The following CNTNAP2 variants were observed in gnomAD, a reference collection of about 807,000 sequenced individuals.
CNTNAP2 encodes contactin associated protein 2, also known as contactin-associated protein-like 2.
In CNTNAP2, 98 loss-of-function variants were observed where a neutral mutation model predicts 155.2. The observed-to-expected ratio is 0.63, with a 90% CI of 0.54 to 0.75. The LOEUF (loss-of-function observed/expected upper bound fraction) is 0.75, where lower values mean the gene tolerates loss of function less well. Ranked by LOEUF, CNTNAP2 falls within the 30% of genes least tolerant of loss-of-function variation. The probability of loss-of-function intolerance (pLI) is 0.00; values close to 1 mark genes in which losing one functional copy is unlikely to be tolerated. For synonymous variants in CNTNAP2, 651 were observed against 631.2 expected (o/e 1.03, Z -0.47); for missense variants, 1,727 against 1,688.1 (o/e 1.02, Z -0.40).
At chr7:147,048,231 T>A (rs547843891) in intron 4 of CNTNAP2, among the ~76,000 whole-genome samples, 1 of 152,026 alleles carries the variant, frequency 6.6e-6, no homozygotes, top group Admixed American at 6.6e-5. Context: ...CTAAGTGCAA[T>A]CACATGTGTC....
At chr7:148,101,877 A>G (rs1167059307) in intron 15 of CNTNAP2, among the ~76,000 whole-genome samples, 3 of 152,178 alleles carry the variant, frequency 2.0e-5, no homozygotes. Context: ...TTCACTTTTA[A>G]AAATATTAAG....
At chr7:146,320,071 T>C (rs1048877524) in intron 1 of CNTNAP2, among the ~76,000 whole-genome samples, 1 of 151,450 alleles carries the variant, frequency 6.6e-6, no homozygotes, top group African/African-American at 2.4e-5. Flanking sequence ...GACATCTGAA[T>C]TAATATTTTT....
intron 11 of CNTNAP2, among the ~76,000 whole-genome samples, chr7:147,538,778 GT>G (rs199893286): frequency 2.6e-5 from 4 of 151,920 alleles, no homozygotes; most frequent in African/African-American, 9.7e-5. Flanking sequence ...GTTTATGCCA[GT>G]TTTTTTTCCT....
At chr7:147,739,229 G>T (rs1224695151) in intron 13 of CNTNAP2, among the ~76,000 whole-genome samples, 2 of 150,518 alleles carry the variant, frequency 1.3e-5, no homozygotes, top group Non-Finnish European at 2.9e-5. Context: ...GAAACTGTAA[G>T]AGAAAACCTT....
intron 1 of CNTNAP2, among the ~76,000 whole-genome samples, chr7:146,627,679 T>G (rs1490883098): frequency 6.6e-6 from 1 of 152,130 alleles, no homozygotes; most frequent in Admixed American, 6.6e-5. Context: ...CAACCTGTTA[T>G]TTTAGGGCAT....
chr7:146,286,632 A>C (rs1214201579), intron 1 of CNTNAP2, among the ~76,000 whole-genome samples: 2 of 152,104 alleles, frequency 1.3e-5, no homozygotes, highest in Non-Finnish European at 2.9e-5. Flanking sequence ...CATTCCTGAG[A>C]CAACAGCCCA....
intron 1 of CNTNAP2, among the ~76,000 whole-genome samples, chr7:146,638,962 C>T (rs1308159890): frequency 6.6e-6 from 1 of 152,124 alleles, no homozygotes; most frequent in Non-Finnish European, 1.5e-5. Context: ...TACAGCTGTA[C>T]TAATGCTGTA....
chr7:146,640,949 A>G (rs1799694514), intron 1 of CNTNAP2, among the ~76,000 whole-genome samples: 1 of 152,192 alleles, frequency 6.6e-6, no homozygotes, highest in African/African-American at 2.4e-5. Context: ...AATGCTTGTT[A>G]GGGAGAAAAT....
intron 15 of CNTNAP2, among the ~76,000 whole-genome samples, chr7:148,048,709 A>G (rs1043104567): frequency 6.6e-6 from 1 of 152,184 alleles, no homozygotes; most frequent in African/African-American, 2.4e-5. Flanking sequence ...GGAGTCAAGA[A>G]CAGTGAGCCC....
chr7:147,179,281 G>A (rs1802409379), intron 8 of CNTNAP2, among the ~76,000 whole-genome samples: 1 of 152,134 alleles, frequency 6.6e-6, no homozygotes, highest in Non-Finnish European at 1.5e-5. Flanking sequence ...TGGATATTGT[G>A]GTATATGCGA....
chr7:148,213,520 A>T (rs1795583825), intron 18 of CNTNAP2, among the ~76,000 whole-genome samples: 1 of 151,988 alleles, frequency 6.6e-6, no homozygotes, highest in Admixed American at 6.6e-5. Context: ...TCTCTTGCAC[A>T]TCATCCTGCC....
intron 1 of CNTNAP2, among the ~76,000 whole-genome samples, chr7:146,308,839 A>AG (rs1563031793): frequency 6.6e-6 from 1 of 151,648 alleles, no homozygotes; most frequent in African/African-American, 2.4e-5. Flanking sequence ...GGGTGGGGAG[A>AG]CGGGGGAGGG....
intron 8 of CNTNAP2, among the ~76,000 whole-genome samples, chr7:147,191,961 G>A (rs1802688635): frequency 6.6e-6 from 1 of 152,198 alleles, no homozygotes; most frequent in African/African-American, 2.4e-5. Flanking sequence ...AAAAATGAGT[G>A]CCAACACTTT....
At chr7:147,785,819 C>T (rs1260965484) in intron 13 of CNTNAP2, among the ~76,000 whole-genome samples, 1 of 152,086 alleles carries the variant, frequency 6.6e-6, no homozygotes, top group African/African-American at 2.4e-5. Context: ...TGGTGAAACC[C>T]CATCTCTACT....
chr7:147,150,587 G>A (rs192497254), intron 8 of CNTNAP2, among the ~76,000 whole-genome samples: 269 of 152,248 alleles, frequency 1.8e-3, no homozygotes, highest in African/African-American at 6.2e-3. Flanking sequence ...TAATTTTATG[G>A]AAGGCTTAGA....
At chr7:146,200,780 T>C (rs1798848916) in intron 1 of CNTNAP2, among the ~76,000 whole-genome samples, 4 of 152,306 alleles carry the variant, frequency 2.6e-5, no homozygotes, top group Admixed American at 2.0e-4. Flanking sequence ...GACACATTTC[T>C]TAAAATGCAG....
intron 12 of CNTNAP2, among the ~76,000 whole-genome samples, chr7:147,617,650 G>T (rs1390293987): frequency 6.6e-6 from 1 of 152,064 alleles, no homozygotes. Context: ...AAGAGATGCA[G>T]GGTAGTAAGG....
At chr7:146,442,202 C>A (rs189247599) in intron 1 of CNTNAP2, among the ~76,000 whole-genome samples, 3 of 151,614 alleles carry the variant, frequency 2.0e-5, no homozygotes, top group East Asian at 3.9e-4. Context: ...AGTTATTTTT[C>A]TTTTACACTT....
chr7:147,546,698 A>G (rs1356423481), intron 11 of CNTNAP2, among the ~76,000 whole-genome samples: 1 of 152,182 alleles, frequency 6.6e-6, no homozygotes, highest in Non-Finnish European at 1.5e-5. Flanking sequence ...AAGCCAATAC[A>G]ACAGTGCATT....
Sources: allele counts gnomAD v4.1 joint callset (sites outside exome capture counted in the v4.1 genomes callset), GRCh38; gene constraint gnomAD v4.1.1; transcripts MANE v1.5; gene names NCBI Gene and HGNC (gene_info 2026-07-23, HGNC 2026-07-21).